The following OSBPL3 variants were observed in gnomAD, a reference collection of about 807,000 sequenced individuals.
OSBPL3 encodes oxysterol binding protein like 3.
In OSBPL3, 65 loss-of-function variants were observed where a neutral mutation model predicts 120.1. The ratio of observed to expected loss-of-function variants is 0.54; its 90% CI spans 0.44 to 0.67. OSBPL3 has a LOEUF of 0.67. Among genes scored for constraint, OSBPL3 ranks in the 30% least tolerant of loss-of-function variants. The pLI, the probability that OSBPL3 is intolerant of heterozygous loss-of-function variation, is 0.00. For missense variants in OSBPL3, 1,004 were observed against 1,082.1 expected (o/e 0.93, Z 1.01); for synonymous variants, 416 against 402.6 (o/e 1.03, Z -0.40).
At chr7:24,905,240 G>A (rs565631774) in intron 1 of OSBPL3, among the ~76,000 whole-genome samples, 11 of 152,036 alleles carry the variant, frequency 7.2e-5, no homozygotes, top group South Asian at 2.1e-4. Flanking sequence ...TCAAGGAGAC[G>A]TACTAACGGG....
Position 24,904,931 on chromosome 7 carries a change from G to A in OSBPL3, c.-149-12310C>T, listed in dbSNP as rs570303998. Among the ~76,000 whole-genome samples the A allele has an allele frequency of 3.5e-4, 53 of 149,554 alleles. 1 individual carries two copies. In the East Asian group the frequency reaches 9.8e-3, roughly 28 times the overall value. On this transcript the variant is annotated intron_variant, in intron 1 of 22. Coordinates refer to ENST00000313367, the MANE Select transcript of OSBPL3 (RefSeq NM_015550.4). ...TCATAATATACAGGTGTGTGTGTGT[G>A]TGTGTGTGTGTGTGTGTGTGTGTGT...
At chr7:24,971,826 T>C (rs969783029) in intron 1 of OSBPL3, among the ~76,000 whole-genome samples, 5 of 152,212 alleles carry the variant, frequency 3.3e-5, no homozygotes, top group African/African-American at 9.7e-5. Flanking sequence ...GCCACTGTTA[T>C]CACTGTTATT....
intron 16 of OSBPL3, among the ~76,000 whole-genome samples, chr7:24,826,447 C>T (rs918947417): frequency 6.6e-6 from 1 of 152,028 alleles, no homozygotes; most frequent in Non-Finnish European, 1.5e-5. Flanking sequence ...ATGGTGAGAA[C>T]GAACAGCATA....
Position 24,947,912 on chromosome 7 carries a change from T to G in OSBPL3, c.-150+31974A>C, listed in dbSNP as rs1021960324. ...TCCCCAAAGAGCTCTATCCATTCAC[T>G]GTGTGCCAAAGATGCAAGAGATTAT... is the stretch of plus-strand genomic sequence containing the variant. On this transcript the variant is annotated intron_variant, in intron 1 of 22. Transcript: ENST00000313367. This position sits in a 1 kb window ranked among gnomAD's most constrained non-coding sequence, Gnocchi z 4.4. 2.0e-5 allele frequency among the ~76,000 whole-genome samples: 3 copies of G among 152,212 alleles called. No individual in the cohort carries two copies. Among genetic ancestry groups the G allele is most frequent in the Non-Finnish European group, 4.4e-5 (3 of 68,042 alleles).
intron 9 of OSBPL3, 109 bp from the exon 10 acceptor site, chr7:24,861,878 G>T: frequency 1.5e-6 from 1 of 663,250 alleles, no homozygotes; most frequent in South Asian, 2.8e-5. Flanking sequence ...CATTTTATAG[G>T]TAGGTCTTTT....
At position 24,956,694 on chromosome 7, in the gene OSBPL3, A is replaced by T. The variant is rs373221968; in HGVS notation, c.-150+23192T>A. Among the ~76,000 whole-genome samples the T allele has an allele frequency of 7.3e-4, 111 of 152,202 alleles. 4 individuals carry two copies. Among genetic ancestry groups the T allele is most frequent in the African/African-American group, 1.9e-3 (79 of 41,540 alleles). ...AAAACAGGCCTTTTTCTGCATTTTGAGGTTTTTCCCATCTGTCTTTTAGAT... is the reference window on the plus strand; with the variant it reads ...AAAACAGGCCTTTTTCTGCATTTTGTGGTTTTTCCCATCTGTCTTTTAGAT... On this transcript the variant is annotated intron_variant, in intron 1 of 22. Coordinates refer to ENST00000313367, the MANE Select transcript of OSBPL3 (RefSeq NM_015550.4).
intron 14 of OSBPL3, 55 bp downstream of exon 14, chr7:24,840,635 A>G: frequency 1.4e-6 from 1 of 724,608 alleles, no homozygotes; most frequent in East Asian, 2.8e-5. Context: ...TATACAACTT[A>G]TTAGTATTGT....
rs922106214 is a variant in OSBPL3, at chr7:24,805,155, C to T, written c.2445-718G>A. 6.6e-6 allele frequency among the ~76,000 whole-genome samples: 1 copy of T among 152,192 alleles called. No homozygotes were observed. The highest frequency in any genetic ancestry group is 2.4e-5 in the African/African-American group (1 of 41,448). ...GGGTGAGTGTGTAATTTATATATTA[C>T]TGAACTGCCCTTTATGGGGATCATA... is the stretch of plus-strand genomic sequence containing the variant. On this transcript the variant is annotated intron_variant, in intron 21 of 22. Transcript: ENST00000313367. This position sits in a 1 kb window ranked among gnomAD's most constrained non-coding sequence, Gnocchi z 4.0.
intron 19 of OSBPL3, among the ~76,000 whole-genome samples, chr7:24,811,790 C>A (rs1793833945): frequency 6.6e-6 from 1 of 152,166 alleles, no homozygotes; most frequent in Admixed American, 6.5e-5. Context: ...GGCACTTTGT[C>A]AAAAACCAAT....
chr7:24,917,978 GC>G (rs1457546458), intron 1 of OSBPL3: 1 of 538,250 alleles, frequency 1.9e-6, no homozygotes, highest in African/African-American at 2.1e-5. Flanking sequence ...GATTCCTTCA[GC>G]CTGACGATCC....
intron 14 of OSBPL3, among the ~76,000 whole-genome samples, chr7:24,837,098 G>C (rs1037090376): frequency 1.3e-5 from 2 of 152,192 alleles, no homozygotes; most frequent in African/African-American, 2.4e-5. Flanking sequence ...GCCTCCCAAA[G>C]TCCTGGGATT....
chr7:24,950,232 G>A (rs568313471), intron 1 of OSBPL3, among the ~76,000 whole-genome samples: 36 of 152,258 alleles, frequency 2.4e-4, no homozygotes, highest in African/African-American at 7.2e-4. Context: ...ACGTTGACAT[G>A]TGCATACAAA....
intron 22 of OSBPL3, among the ~76,000 whole-genome samples, chr7:24,801,102 A>G (rs1361948767): frequency 6.6e-6 from 1 of 151,768 alleles, no homozygotes; most frequent in Non-Finnish European, 1.5e-5. Context: ...TTAGCCGGGC[A>G]TGGTGGCGGG....
intron 19 of OSBPL3, among the ~76,000 whole-genome samples, chr7:24,811,517 T>G (rs573103034): frequency 6.6e-6 from 1 of 152,374 alleles, no homozygotes; most frequent in African/African-American, 2.4e-5. Context: ...ATAATCCCAT[T>G]TGTCTATGTT....
chr7:24,946,956 C>T lies in OSBPL3; in HGVS notation c.-150+32930G>A, dbSNP rs185040853. Reference sequence around the variant, plus strand: ...ATAAAGGTTTGCTGTTTGGCTTGTGCTCAAAACGAAAAGGATAAGCATTAT... The same window carrying T: ...ATAAAGGTTTGCTGTTTGGCTTGTGTTCAAAACGAAAAGGATAAGCATTAT... On this transcript the variant is annotated intron_variant, in intron 1 of 22. Transcript: ENST00000313367. The surrounding 1 kb of genome is among the most constrained non-coding windows in gnomAD (Gnocchi z 4.3). Among the ~76,000 whole-genome samples, 6 of 152,308 alleles carry T rather than the reference C, an allele frequency of 3.9e-5. No individual in the cohort carries two copies. In the East Asian group the frequency reaches 1.2e-3, roughly 29 times the overall value.
chr7:24,949,288 A>G (rs935458779), intron 1 of OSBPL3, among the ~76,000 whole-genome samples: 4 of 151,978 alleles, frequency 2.6e-5, no homozygotes, highest in African/African-American at 9.7e-5. Context: ...ACTGTGTTCC[A>G]CCAAGTCTGG....
In OSBPL3 at chr7:24,938,233, G is replaced by C. The variant is rs1812650745; in HGVS notation, c.-150+41653C>G. Among the ~76,000 whole-genome samples, 1 of 152,178 alleles carries C rather than the reference G, an allele frequency of 6.6e-6. No individual in the cohort carries two copies. Among genetic ancestry groups the C allele is most frequent in the Admixed American group, 6.5e-5 (1 of 15,284 alleles). Reference sequence around the variant, plus strand: ...GGGATTAATACCCTTATGAAAGAGAGCCCAGAGAGCTGTCTTGCCTTCCAC... The same window carrying C: ...GGGATTAATACCCTTATGAAAGAGACCCCAGAGAGCTGTCTTGCCTTCCAC... On this transcript the variant is annotated intron_variant, in intron 1 of 22. Transcript: ENST00000313367. This position sits in a 1 kb window ranked among gnomAD's most constrained non-coding sequence, Gnocchi z 5.8.
At chr7:24,811,716 T>C (rs972294475) in intron 19 of OSBPL3, among the ~76,000 whole-genome samples, 4 of 152,244 alleles carry the variant, frequency 2.6e-5, no homozygotes, top group Non-Finnish European at 5.9e-5. Context: ...CTTCAGCATG[T>C]GGATATCCAG....
Position 24,916,921 on chromosome 7 carries a change from C to CCCG in OSBPL3, c.-149-24301_-149-24300insCGG, listed in dbSNP as rs71309069. On this transcript the variant is annotated intron_variant, in intron 1 of 22. Transcript: ENST00000313367. This position sits in a 1 kb window ranked among gnomAD's most constrained non-coding sequence, Gnocchi z 4.9. ...CACTAAGACGTCTTCCATTTCCACC[C>CCCG]CCCCCAACCTTTTTAGAAAATTAAA... Among the ~76,000 whole-genome samples the CCCG allele has an allele frequency of 6.7e-6, 1 of 149,468 alleles. No homozygotes were observed. Among genetic ancestry groups the CCCG allele is most frequent in the Admixed American group, 6.6e-5 (1 of 15,152 alleles).
Sources: allele counts gnomAD v4.1 joint callset (sites outside exome capture counted in the v4.1 genomes callset), GRCh38; gene constraint gnomAD v4.1.1; non-coding constraint Gnocchi (gnomAD v3.1); transcripts MANE v1.5; gene names NCBI Gene and HGNC (gene_info 2026-07-23, HGNC 2026-07-21).